Variants in JAK1 observed in about 807,000 individuals in gnomAD.
JAK1 encodes the protein Janus kinase 1.
JAK1 carries 16 observed loss-of-function variants against 136.6 expected under a neutral mutation model. That is an observed-to-expected ratio of 0.12 (90% CI 0.08 to 0.18). The LOEUF (loss-of-function observed/expected upper bound fraction) is 0.18, where lower values mean the gene tolerates loss of function less well. Ranked by LOEUF, JAK1 falls within the 10% of genes least tolerant of loss-of-function variation. The pLI is 1.00. For synonymous variants in JAK1, 492 were observed against 519.5 expected (o/e 0.95, Z 0.72); for missense variants, 859 against 1,450.1 (o/e 0.59, Z 6.62).
intron 11 of JAK1, among the ~76,000 whole-genome samples, chr1:64,854,402 T>C (rs548736436): frequency 6.6e-6 from 1 of 152,168 alleles, no homozygotes; most frequent in Non-Finnish European, 1.5e-5. Flanking sequence ...ACCTGACGCA[T>C]GAAGGGCAGC....
chr1:64,889,831 A>G (rs964238741), intron 1 of JAK1, among the ~76,000 whole-genome samples: 2 of 152,268 alleles, frequency 1.3e-5, no homozygotes, highest in Non-Finnish European at 2.9e-5. Flanking sequence ...GACTATTTTA[A>G]TGTTCATAAA....
chr1:64,864,118 T>C (rs1469405321), intron 8 of JAK1, among the ~76,000 whole-genome samples: 2 of 152,232 alleles, frequency 1.3e-5, no homozygotes, highest in Non-Finnish European at 2.9e-5. Context: ...ATCTGCCACA[T>C]TTTGGCAGAA....
chr1:64,903,148 T>C (rs1465758312), intron 1 of JAK1, among the ~76,000 whole-genome samples: 1 of 152,168 alleles, frequency 6.6e-6, no homozygotes, highest in Non-Finnish European at 1.5e-5. Context: ...TGCCTCAGCC[T>C]TCCGAGTAGC....
intron 2 of JAK1, among the ~76,000 whole-genome samples, chr1:65,003,013 C>CAT (rs769144880): frequency 4.2e-5 from 5 of 119,912 alleles, no homozygotes; most frequent in Non-Finnish European, 8.6e-5. Flanking sequence ...GACAACCTAG[C>CAT]TTTTTTTTTT....
intron 1 of JAK1, among the ~76,000 whole-genome samples, chr1:64,952,183 G>C (rs1646103917): frequency 6.6e-6 from 1 of 152,186 alleles, no homozygotes; most frequent in Non-Finnish European, 1.5e-5. Flanking sequence ...CTCAAAAGCA[G>C]GAGTGTGAGG....
intron 22 of JAK1, among the ~76,000 whole-genome samples, chr1:64,836,906 C>T (rs181102685): frequency 3.9e-5 from 6 of 152,262 alleles, no homozygotes; most frequent in African/African-American, 1.2e-4. Flanking sequence ...AACTCTCCAG[C>T]AGCATCCCAT....
chr1:64,847,530 G>A lies in JAK1; in HGVS notation c.1899+2C>T. 1 of 1,613,960 alleles carries A rather than the reference G, an allele frequency of 6.2e-7. No individual in the cohort carries two copies. The stretch of plus-strand genomic sequence containing the variant: ...GGGAGGAGTTCAGAGGAAGACACTT[G>A]CCAGGGAAATATCCCTGTGGCTGGG... On this transcript the variant is annotated splice_donor_variant, in intron 13 of 24. Transcript: ENST00000342505. LOFTEE classifies it low-confidence loss of function (GC_TO_GT_DONOR).
At chr1:64,966,809 C>T (rs1646394075), upstream of JAK1, among the ~76,000 whole-genome samples, 1 of 151,286 alleles carries the variant, frequency 6.6e-6, no homozygotes, top group Admixed American at 6.6e-5. Context: ...GGTCATCTAT[C>T]GCGGGGAGTA....
chr1:65,000,455 A>T (rs1646745127), intron 2 of JAK1, among the ~76,000 whole-genome samples: 1 of 150,230 alleles, frequency 6.7e-6, no homozygotes, highest in African/African-American at 2.4e-5. Context: ...GTGAGCCATG[A>T]TTGTGCCACT....
chr1:65,049,216 G>A (rs1647221909), intron 1 of JAK1, among the ~76,000 whole-genome samples: 1 of 152,180 alleles, frequency 6.6e-6, no homozygotes, highest in South Asian at 2.1e-4. Context: ...GGAGCCAGGT[G>A]TTTGAGACCA....
chr1:64,949,834 A>G (rs1340114985), intron 1 of JAK1, among the ~76,000 whole-genome samples: 1 of 152,252 alleles, frequency 6.6e-6, no homozygotes, highest in Non-Finnish European at 1.5e-5. Context: ...GAAAAATGCT[A>G]ATTGTGTGTT....
intron 2 of JAK1, chr1:64,979,937 A>G (rs1165412428): frequency 6.6e-6 from 1 of 152,154 alleles, no homozygotes; most frequent in Non-Finnish European, 1.5e-5. Context: ...AATTGTTAAG[A>G]TTAGGTTTAT....
chr1:64,897,637 T>C (rs1207011017), intron 1 of JAK1, among the ~76,000 whole-genome samples: 2 of 146,606 alleles, frequency 1.4e-5, no homozygotes, highest in Admixed American at 6.9e-5. Flanking sequence ...CAGGTTTGTG[T>C]AGAACCAAAA....
chr1:64,928,043 T>C (rs1031919002), intron 1 of JAK1, among the ~76,000 whole-genome samples: 4 of 152,220 alleles, frequency 2.6e-5, no homozygotes, highest in African/African-American at 9.6e-5. Flanking sequence ...GTCAGTCTTA[T>C]TTCTTAAGGC....
At chr1:64,856,394 T>A (rs1388471798) in intron 10 of JAK1, among the ~76,000 whole-genome samples, 1 of 152,190 alleles carries the variant, frequency 6.6e-6, no homozygotes, top group African/African-American at 2.4e-5. Context: ...TGGGATAATA[T>A]CACCTACCTA....
intron 1 of JAK1, among the ~76,000 whole-genome samples, chr1:64,960,330 G>A (rs1043346172): frequency 6.6e-6 from 1 of 152,210 alleles, no homozygotes; most frequent in Non-Finnish European, 1.5e-5. Flanking sequence ...CAACCTCAGA[G>A]GTAGGTACTG....
At position 64,844,654 on chromosome 1, in the gene JAK1, AAT is replaced by A. The variant is rs1229362866; in HGVS notation, c.2251+98_2251+99del. ...CGTCTCTACTAAAATACAAAAAAAA[AAT>A]GACTCTCTAAAAGGAGACCAACCCC... On this transcript the variant is annotated intron_variant, in intron 16 of 24. Transcript: ENST00000342505. This position sits in a 1 kb window ranked among gnomAD's most constrained non-coding sequence, Gnocchi z 5.7. 2 of 1,399,840 alleles carry A rather than the reference AAT, an allele frequency of 1.4e-6. No individual in the cohort carries two copies. Among genetic ancestry groups the A allele is most frequent in the African/African-American group, 2.9e-5 (2 of 68,854 alleles). The allele number at this position is 1,399,840 out of a possible 1,614,324, so 86.7% of individuals were successfully genotyped here. A position where few individuals can be genotyped will look rare whatever the true frequency, so the allele number is the denominator to read the frequency against.
intron 2 of JAK1, among the ~76,000 whole-genome samples, chr1:64,980,889 A>T (rs1646539139): frequency 6.6e-6 from 1 of 152,130 alleles, no homozygotes; most frequent in Non-Finnish European, 1.5e-5. Flanking sequence ...CCATGTCCCT[A>T]CAAAGGACAT....
At chr1:64,911,370 G>A (rs770027206) in intron 1 of JAK1, among the ~76,000 whole-genome samples, 1 of 152,092 alleles carries the variant, frequency 6.6e-6, no homozygotes, top group Non-Finnish European at 1.5e-5. Flanking sequence ...GGTGTAAACT[G>A]GGGCTGCCCC....
Sources: allele counts gnomAD v4.1 joint callset (sites outside exome capture counted in the v4.1 genomes callset), GRCh38; gene constraint gnomAD v4.1.1; non-coding constraint Gnocchi (gnomAD v3.1); transcripts MANE v1.5; gene names NCBI Gene and HGNC (gene_info 2026-07-23, HGNC 2026-07-21).